The following MACF1 variants were observed in gnomAD, a reference collection of about 807,000 sequenced individuals.
MACF1 encodes the protein microtubule-actin cross-linking factor 1.
Under a neutral mutation model 854.8 loss-of-function variants are expected in MACF1, and 193 were observed. The ratio of observed to expected loss-of-function variants is 0.23; its 90% CI spans 0.20 to 0.25. The LOEUF (loss-of-function observed/expected upper bound fraction) is 0.25. MACF1 is among the 10% of genes least tolerant of loss of function. MACF1 has a pLI of 1.00. For missense variants in MACF1, 7,722 were observed against 8,929.1 expected (o/e 0.86, Z 5.45); for synonymous variants, 3,185 against 3,226.7 (o/e 0.99, Z 0.44).
intron 48 of MACF1, 34 bp downstream of exon 48, chr1:39,361,035 G>T: frequency 2.6e-6 from 4 of 1,562,138 alleles, no homozygotes; most frequent in Non-Finnish European, 3.5e-6. Context: ...AGCATAGAGG[G>T]TATGTTTGCT....
At chr1:39,310,189 A>G (rs1646272138) in intron 24 of MACF1, 56 bp from the exon 25 acceptor site, 4 of 1,388,818 alleles carry the variant, frequency 2.9e-6, no homozygotes, top group Non-Finnish European at 4.0e-6. Context: ...ATGGAGGAAA[A>G]GAGGAAGTGT....
intron 1 of MACF1, among the ~76,000 whole-genome samples, chr1:39,227,836 T>C (rs891444002): frequency 2.0e-5 from 3 of 152,214 alleles, no homozygotes; most frequent in African/African-American, 7.2e-5. Context: ...AGCAACTTTA[T>C]TCCTTCCCTT....
intron 99 of MACF1, among the ~76,000 whole-genome samples, chr1:39,483,415 G>A (rs1003858904): frequency 6.6e-6 from 1 of 152,160 alleles, no homozygotes; most frequent in Non-Finnish European, 1.5e-5. Flanking sequence ...CCCCTGCAGG[G>A]AATGAGGGGG....
At chr1:39,300,849 A>T (rs1646024992) in intron 22 of MACF1, among the ~76,000 whole-genome samples, 1 of 152,186 alleles carries the variant, frequency 6.6e-6, no homozygotes. Flanking sequence ...GTTCAAGACC[A>T]GCTTGCGTCT....
Position 39,249,751 on chromosome 1 carries a change from A to G in MACF1, c.172-263A>G, listed in dbSNP as rs977577024. On this transcript the variant is annotated intron_variant, in intron 2 of 100. Transcript: ENST00000564288. ...TTAAGACTCCCCATCTTCTTGTCCA[A>G]ACTTTCTAGGACGTTGTTGCATGTT... 2.5e-5 allele frequency: 7 copies of G among 278,202 alleles called. No homozygotes were observed. In the Admixed American group the frequency reaches 3.1e-4, roughly 12 times the overall value. The allele number at this position is 278,202 out of a possible 1,614,324, so 17.2% of individuals were successfully genotyped here.
chr1:39,360,876 C>A lies in MACF1; in HGVS notation c.12328C>A (p.Gln4110Lys). ...GCTGCAGAAAGCAATTGCCCAATCTCAGAGTGTCCAGGAAAGCCTGGAGAG... is the reference window on the plus strand; with the variant it reads ...GCTGCAGAAAGCAATTGCCCAATCTAAGAGTGTCCAGGAAAGCCTGGAGAG... ...SLLQKAIAQS[Q>K]SVQESLESLL... is the part of the protein sequence containing the mutation. Residue 4110 changes from glutamine (Q) to lysine (K), a missense_variant, in exon 48 of 101, where the codon CAG (glutamine) becomes AAG (lysine). This residue lies in a region of MACF1 where 2,807 missense variants were observed against 3,235.8 expected (regional missense o/e 0.87). Transcript: ENST00000564288. The A allele has an allele frequency of 6.2e-7, 1 of 1,613,992 alleles. No individual in the cohort carries two copies.
chr1:39,361,804 A>G (rs1648207949), intron 49 of MACF1, 127 bp downstream of exon 49: 3 of 861,346 alleles, frequency 3.5e-6, no homozygotes, highest in Admixed American at 5.0e-5. Context: ...TTTGGGAATT[A>G]TTACAGTGAT....
rs764837533 is a variant in MACF1, at chr1:39,401,953, C to T, written c.15816+13295C>T. On this transcript the variant is annotated intron_variant, in intron 58 of 100. Transcript: ENST00000564288. ...GGGGCTGGACGCAGTGGCTCACGCCCGTAATCCCAGCACTTTGGGAGGCCA... is the reference window on the plus strand; with the variant it reads ...GGGGCTGGACGCAGTGGCTCACGCCTGTAATCCCAGCACTTTGGGAGGCCA... Among the ~76,000 whole-genome samples the T allele has an allele frequency of 4.6e-5, 7 of 152,102 alleles. No homozygotes were observed. In the South Asian group the frequency reaches 1.2e-3, roughly 27 times the overall value.
chr1:39,155,751 C>T (rs1643669677), intron 2 of MACF1, among the ~76,000 whole-genome samples: 1 of 152,214 alleles, frequency 6.6e-6, no homozygotes, highest in African/African-American at 2.4e-5. Flanking sequence ...TGGAGTTTTG[C>T]TCTTGTTGCC....
chr1:39,382,356 A>C (rs1442129290), intron 56 of MACF1, among the ~76,000 whole-genome samples: 1 of 152,168 alleles, frequency 6.6e-6, no homozygotes, highest in African/African-American at 2.4e-5. Context: ...TAATAGAGAC[A>C]GTAAGATGAG....
chr1:39,414,417 C>T (rs768233830), intron 58 of MACF1: 3 of 1,613,822 alleles, frequency 1.9e-6, no homozygotes, highest in Non-Finnish European at 2.5e-6. Flanking sequence ...AAGAGGTGAC[C>T]AGCACAGTGC....
At chr1:39,194,154 T>TAA (rs1371815322) in intron 2 of MACF1, among the ~76,000 whole-genome samples, 2 of 152,030 alleles carry the variant, frequency 1.3e-5, no homozygotes, top group African/African-American at 4.8e-5. Context: ...TTCTAAGTGC[T>TAA]GTACCAGAGC....
At chr1:39,389,351 G>GTTTTTTTTT (rs10588247) in intron 58 of MACF1, among the ~76,000 whole-genome samples, 5 of 63,480 alleles carry the variant, frequency 7.9e-5, no homozygotes, top group Admixed American at 2.7e-4. Context: ...GTTTTTGTGT[G>GTTTTTTTTT]TTTTTTTTTT....
intron 26 of MACF1, among the ~76,000 whole-genome samples, chr1:39,313,525 G>A (rs1305226553): frequency 6.6e-6 from 1 of 151,814 alleles, no homozygotes; most frequent in Non-Finnish European, 1.5e-5. Flanking sequence ...TTCCTTTTCT[G>A]TAGTTTGTCT....
At chr1:39,257,838 A>C in intron 5 of MACF1, 98 bp from the exon 6 acceptor site, 2 of 860,526 alleles carry the variant, frequency 2.3e-6, no homozygotes, top group Non-Finnish European at 3.8e-6. Flanking sequence ...ACCAAAAAAG[A>C]AATCAGTTTA....
At position 39,289,693 on chromosome 1, in the gene MACF1, C is replaced by CTTTTTTTTTTTTT. The variant is rs58188740; in HGVS notation, c.1785+2151_1785+2163dup. On this transcript the variant is annotated intron_variant, in intron 15 of 100. Coordinates refer to ENST00000564288, the MANE Select transcript of MACF1 (RefSeq NM_001394062.1). ...ATTTTCTCCCATTCTGTGGGTTGTC[C>CTTTTTTTTTTTTT]TTTTTTTTTTTTTTTTTTTTTTTTT... Among the ~76,000 whole-genome samples the CTTTTTTTTTTTTT allele has an allele frequency of 4.6e-3, 134 of 28,966 alleles. 55 individuals carry two copies. Among genetic ancestry groups the CTTTTTTTTTTTTT allele is most frequent in the South Asian group, 8.5e-3 (4 of 472 alleles). The allele number at this position is 28,966 out of a possible 152,430, so 19.0% of individuals were successfully genotyped here. A position where few individuals can be genotyped will look rare whatever the true frequency, so the allele number is the denominator to read the frequency against.
chr1:39,332,916 A>G lies in MACF1; in HGVS notation c.6328A>G (p.Ile2110Val), dbSNP rs764188280. 8.7e-6 allele frequency: 14 copies of G among 1,614,058 alleles called. No individual in the cohort carries two copies. The South Asian group carries it at 1.5e-4, about 18-fold the overall frequency. ...KVKLEVQRQL[I>V]GTQREDQTAV... Reference sequence around the variant, plus strand: ...CAAATTAGAGGTACAAAGGCAGTTGATAGGTACCCAAAGGGAAGACCAAAC... The same window carrying G: ...CAAATTAGAGGTACAAAGGCAGTTGGTAGGTACCCAAAGGGAAGACCAAAC... The change falls in exon 37 of 101, where the codon ATA becomes GTA. Residue 2110 changes from isoleucine to valine, a missense_variant. By Grantham distance (29) the Ile-to-Val change is conservative (BLOSUM62 3). Transcript: ENST00000564288.
chr1:39,161,330 G>A (rs1643794440), intron 2 of MACF1, among the ~76,000 whole-genome samples: 1 of 152,126 alleles, frequency 6.6e-6, no homozygotes, highest in South Asian at 2.1e-4. Context: ...GGTAGGTGAA[G>A]TAGAGTGGTG....
In MACF1 at chr1:39,318,876, GT is replaced by G. The variant is rs544957767; in HGVS notation, c.3945+270del. On this transcript the variant is annotated intron_variant, in intron 30 of 100. Coordinates refer to ENST00000564288, the MANE Select transcript of MACF1 (RefSeq NM_001394062.1). ...GACAGATTAAAATTATCTTTATTTT[GT>G]TTTTTTTTATATTACATTTTATTTT... Among the ~76,000 whole-genome samples the G allele has an allele frequency of 5.2e-3, 779 of 149,178 alleles. 10 individuals carry two copies. Among genetic ancestry groups the G allele is most frequent in the African/African-American group, 0.018 (720 of 40,620 alleles).
Sources: gnomAD v4.1 joint callset for allele counts (sites outside exome capture counted in the v4.1 genomes callset) on GRCh38, gnomAD v4.1.1 for gene constraint, gnomAD v4.1.1 regional missense constraint, MANE v1.5 for transcripts, NCBI Gene and HGNC (gene_info 2026-07-23, HGNC 2026-07-21) for gene names.